The following CDC73 variants were observed in gnomAD, a reference collection of about 807,000 sequenced individuals.
The protein encoded by CDC73 is parafibromin.
In CDC73, 21 loss-of-function variants were observed where a neutral mutation model predicts 83.7. The ratio of observed to expected loss-of-function variants is 0.25; its 90% CI spans 0.18 to 0.36. The LOEUF (loss-of-function observed/expected upper bound fraction) is 0.36, where lower values mean the gene tolerates loss of function less well. Among genes scored for constraint, CDC73 ranks in the 10% least tolerant of loss-of-function variants. The probability of loss-of-function intolerance (pLI) is 1.00; values close to 1 mark genes in which losing one functional copy is unlikely to be tolerated. For missense variants in CDC73, 342 were observed against 653.3 expected, an observed-to-expected ratio of 0.52 and a Z score of 5.19; for synonymous variants, 224 against 212.9, an observed-to-expected ratio of 1.05 and a Z score of -0.45.
At chr1:193,186,058 C>T (rs1676800642) in intron 10 of CDC73, 1 of 152,508 alleles carries the variant, frequency 6.6e-6, no homozygotes, top group South Asian at 2.1e-4. Flanking sequence ...GGATTATGCC[C>T]ACTGAAAATA....
intron 10 of CDC73, among the ~76,000 whole-genome samples, chr1:193,197,523 A>G (rs915653064): frequency 7.2e-5 from 11 of 152,200 alleles, no homozygotes; most frequent in African/African-American, 2.7e-4. Context: ...TGTATTTATT[A>G]TCGAGCTCCT....
intron 10 of CDC73, among the ~76,000 whole-genome samples, chr1:193,167,608 C>G (rs1676453496): frequency 6.6e-6 from 1 of 152,128 alleles, no homozygotes; most frequent in African/African-American, 2.4e-5. Context: ...TAACCATTTT[C>G]CTTCCCTGGC....
chr1:193,237,501 G>T (rs114653771), intron 15 of CDC73, among the ~76,000 whole-genome samples: 3 of 152,082 alleles, frequency 2.0e-5, no homozygotes, highest in Non-Finnish European at 4.4e-5. Flanking sequence ...GCAAAGATTA[G>T]ATAACCTGGG....
chr1:193,198,918 T>G (rs796195798), intron 10 of CDC73, among the ~76,000 whole-genome samples: 2 of 152,326 alleles, frequency 1.3e-5, no homozygotes, highest in African/African-American at 4.8e-5. Context: ...TCAGTTTGTT[T>G]AGAGGTTGGG....
At chr1:193,163,151 T>TTGTGTGTGTG (rs57194967) in intron 10 of CDC73, among the ~76,000 whole-genome samples, 1 of 39,826 alleles carries the variant, frequency 2.5e-5, no homozygotes, top group Admixed American at 4.1e-4. Flanking sequence ...CTTTGTGGGG[T>TTGTGTGTGTG]TGTGTGTGTG....
chr1:193,170,016 T>C (rs1396744693), intron 10 of CDC73, among the ~76,000 whole-genome samples: 3 of 152,190 alleles, frequency 2.0e-5, no homozygotes, highest in Non-Finnish European at 4.4e-5. Context: ...TTATCATCAT[T>C]TAGCTGCCAC....
Position 193,250,738 on chromosome 1 carries a change from A to G in CDC73, c.*26A>G. The stretch of plus-strand genomic sequence containing the variant: ...ATTATTTGGCTCCTCCATTTCTGGA[A>G]ATTGAGACTCAAGCTTTATGAATTT... On this transcript the variant is annotated 3_prime_UTR_variant, in exon 17 of 17. Transcript: ENST00000367435. 1 of 1,588,828 alleles carries G rather than the reference A, an allele frequency of 6.3e-7. No homozygotes were observed. The highest frequency in any genetic ancestry group is 1.1e-5 in the South Asian group (1 of 90,520).
intron 10 of CDC73, among the ~76,000 whole-genome samples, chr1:193,165,092 C>G (rs913005238): frequency 6.6e-6 from 1 of 152,144 alleles, no homozygotes; most frequent in African/African-American, 2.4e-5. Context: ...GGTCTCACTA[C>G]GTTGCCCAGG....
At chr1:193,201,451 AG>A (rs1476921766) in intron 10 of CDC73, among the ~76,000 whole-genome samples, 1 of 152,202 alleles carries the variant, frequency 6.6e-6, no homozygotes, top group East Asian at 1.9e-4. Context: ...CATCATCATC[AG>A]TGATTTTAGG....
intron 11 of CDC73, among the ~76,000 whole-genome samples, chr1:193,204,601 C>T (rs986227022): frequency 4.0e-5 from 6 of 151,726 alleles, no homozygotes; most frequent in South Asian, 2.1e-4. Context: ...TATTCTTTAC[C>T]GAAGTAATGT....
At position 193,251,093 on chromosome 1, in the gene CDC73, CTA is replaced by C; in HGVS notation, c.*383_*384del. 1 of 285,056 alleles carries C rather than the reference CTA, an allele frequency of 3.5e-6. No individual in the cohort carries two copies. The highest frequency in any genetic ancestry group is 6.7e-6 in the Non-Finnish European group (1 of 149,778). The allele number at this position is 285,056 out of a possible 1,614,324, so 17.7% of individuals were successfully genotyped here. A position where few individuals can be genotyped will look rare whatever the true frequency, so the allele number is the denominator to read the frequency against. Reference sequence around the variant, plus strand: ...TCTATAATTCTTTTTACTGAAAATACTATGTTATGAATGGTATTAAATTTTAG... The same window carrying C: ...TCTATAATTCTTTTTACTGAAAATACTGTTATGAATGGTATTAAATTTTAG... On this transcript the variant is annotated 3_prime_UTR_variant, in exon 17 of 17. Transcript: ENST00000367435.
intron 10 of CDC73, among the ~76,000 whole-genome samples, chr1:193,163,151 T>TGTGTG (rs1491164364): frequency 5.0e-5 from 2 of 39,884 alleles, no homozygotes; most frequent in African/African-American, 8.9e-5. Context: ...CTTTGTGGGG[T>TGTGTG]TGTGTGTGTG....
intron 11 of CDC73, among the ~76,000 whole-genome samples, chr1:193,204,917 A>G (rs950865760): frequency 2.0e-5 from 3 of 152,210 alleles, no homozygotes; most frequent in Non-Finnish European, 4.4e-5. Context: ...TAATAGAATC[A>G]TATTCAGCTT....
intron 13 of CDC73, among the ~76,000 whole-genome samples, chr1:193,232,143 T>G (rs1677672201): frequency 6.6e-6 from 1 of 152,190 alleles, no homozygotes; most frequent in Non-Finnish European, 1.5e-5. Context: ...TAGCAGGTTA[T>G]CAGCATGCAC....
intron 13 of CDC73, among the ~76,000 whole-genome samples, chr1:193,227,274 A>G (rs935019573): frequency 6.6e-6 from 1 of 151,982 alleles, no homozygotes; most frequent in Non-Finnish European, 1.5e-5. Context: ...TGAGAATGCT[A>G]CATGTAAAGC....
At chr1:193,167,248 C>G (rs1676449102) in intron 10 of CDC73, among the ~76,000 whole-genome samples, 1 of 152,140 alleles carries the variant, frequency 6.6e-6, no homozygotes, top group Admixed American at 6.5e-5. Context: ...TTAATAGATT[C>G]CCCTTCAGGT....
chr1:193,177,051 T>A (rs1572177208), intron 10 of CDC73, among the ~76,000 whole-genome samples: 1 of 152,216 alleles, frequency 6.6e-6, no homozygotes, highest in Admixed American at 6.5e-5. Context: ...GTCTTTATTG[T>A]TCCTAATATC....
rs1298519297 is a variant in CDC73, at chr1:193,162,094, G to A, written c.972+9650G>A. Among the ~76,000 whole-genome samples the A allele has an allele frequency of 1.3e-4, 4 of 31,448 alleles. 2 individuals are homozygous for A. In the East Asian group the frequency reaches 3.2e-3, roughly 25 times the overall value. 20.6% of individuals were successfully genotyped at this position (31,448 alleles called of 152,430 possible). On this transcript the variant is annotated intron_variant, in intron 10 of 16. Coordinates refer to ENST00000367435, the MANE Select transcript of CDC73 (RefSeq NM_024529.5). ...TATATAATATATATCATATTATATT[G>A]TATATAATATATATCATATATTATC...
chr1:193,239,893 C>T (rs1446981087), intron 15 of CDC73, among the ~76,000 whole-genome samples: 1 of 152,158 alleles, frequency 6.6e-6, no homozygotes, highest in Non-Finnish European at 1.5e-5. Flanking sequence ...AACAGTCCTG[C>T]ACATGTACCC....
Sources: allele counts gnomAD v4.1 joint callset (sites outside exome capture counted in the v4.1 genomes callset), GRCh38; gene constraint gnomAD v4.1.1; transcripts MANE v1.5; gene names NCBI Gene and HGNC (gene_info 2026-07-23, HGNC 2026-07-21).